FASTKD2: variants seen among roughly 807,000 people sequenced by gnomAD.
FASTKD2 encodes FAST kinase domain-containing protein 2, mitochondrial.
In FASTKD2, 51 loss-of-function variants were observed where a neutral mutation model predicts 63.6. The ratio of observed to expected loss-of-function variants is 0.80; its 90% CI spans 0.64 to 1.01. FASTKD2 has a LOEUF of 1.01. Ranked by LOEUF, FASTKD2 falls within the 50% of genes least tolerant of loss-of-function variation. FASTKD2 has a pLI of 0.00. For synonymous variants in FASTKD2, 284 were observed against 293.4 expected, an observed-to-expected ratio of 0.97 and a Z score of 0.33; for missense variants, 786 against 831.1, an observed-to-expected ratio of 0.95 and a Z score of 0.67.
At position 206,767,061 on chromosome 2, in the gene FASTKD2, T is replaced by C; in HGVS notation, c.368T>C (p.Val123Ala). 1.2e-6 allele frequency: 2 copies of C among 1,614,140 alleles called. No homozygotes were observed. Among genetic ancestry groups the C allele is most frequent in the Non-Finnish European group, 1.7e-6 (2 of 1,179,976 alleles). ...FFDSKQSLVP[V>A]DKSDDELKKV... ...GACTCAAAGCAGTCTCTTGTCCCTG[T>C]TGATAAATCTGATGATGAATTGAAG... Residue 123 changes from valine (V) to alanine (A), a missense_variant, in exon 2 of 12, where the codon GTT (valine) becomes GCT (alanine). Coordinates refer to ENST00000402774, the MANE Select transcript of FASTKD2 (RefSeq NM_001136193.2).
chr2:206,774,373 A>T lies in FASTKD2; in HGVS notation c.1403A>T (p.His468Leu), dbSNP rs772042470. 1.9e-6 allele frequency: 3 copies of T among 1,600,216 alleles called. No homozygotes were observed. Among genetic ancestry groups the T allele is most frequent in the Non-Finnish European group, 2.6e-6 (3 of 1,169,510 alleles). Residue 468 changes from histidine (H) to leucine (L), a missense_variant, in exon 7 of 12, where the codon CAT becomes CTT. His to Leu is a moderately conservative substitution (Grantham distance 99). Coordinates refer to ENST00000402774, the MANE Select transcript of FASTKD2 (RefSeq NM_001136193.2). ...CTTCATACTTACTCTTCTCTCAATC[A>T]TGTCTACAAATGCCAGAACAAAGAG... is the stretch of plus-strand genomic sequence containing the variant. ...SILHTYSSLNHVYKCQNKEQF... is the reference protein window; with the variant it reads ...SILHTYSSLNLVYKCQNKEQF...
At chr2:206,788,693 C>G in intron 9 of FASTKD2, 126 bp from the exon 10 acceptor site, 1 of 634,760 alleles carries the variant, frequency 1.6e-6, no homozygotes, top group Non-Finnish European at 2.8e-6. Flanking sequence ...GATCACACTA[C>G]TGCACTCCAG....
intron 6 of FASTKD2, among the ~76,000 whole-genome samples, chr2:206,773,050 C>T (rs1689729259): frequency 6.6e-6 from 1 of 152,030 alleles, no homozygotes; most frequent in East Asian, 1.9e-4. Flanking sequence ...CGCGGTGGCT[C>T]ACGCCTGTAA....
rs151142223 is a variant in FASTKD2 at position 206,776,915 on chromosome 2, T to C, written c.1427+2518T>C. Among the ~76,000 whole-genome samples the C allele has an allele frequency of 5.9e-5, 9 of 152,232 alleles. No individual in the cohort carries two copies. The South Asian group carries it at 1.0e-3, about 18-fold the overall frequency. Reference sequence around the variant, plus strand: ...ATGGACATTTTAACAGGATTAAGTCTTTCAATCCATGAATGCAGACTGTCC... The same window carrying C: ...ATGGACATTTTAACAGGATTAAGTCCTTCAATCCATGAATGCAGACTGTCC... On this transcript the variant is annotated intron_variant, in intron 7 of 11. Transcript: ENST00000402774.
chr2:206,780,523 C>G (rs373276910), intron 7 of FASTKD2, among the ~76,000 whole-genome samples: 2 of 152,098 alleles, frequency 1.3e-5, no homozygotes, highest in African/African-American at 4.8e-5. Context: ...GTGGGAGATA[C>G]GAGTTGCTTT....
In FASTKD2 at chr2:206,782,852, C is replaced by T. The variant is rs145130196; in HGVS notation, c.1428-3881C>T. The stretch of plus-strand genomic sequence containing the variant: ...TAAATGAGTTAATCTATGTCAAGTT[C>T]TTATGACAATGCCCAGCACATAGTA... On this transcript the variant is annotated intron_variant, in intron 7 of 11. Coordinates refer to ENST00000402774, the MANE Select transcript of FASTKD2 (RefSeq NM_001136193.2). Among the ~76,000 whole-genome samples the T allele has an allele frequency of 9.1e-3, 1,382 of 152,156 alleles. 12 individuals carry two copies. The highest frequency in any genetic ancestry group is 0.024 in the Middle Eastern group (7 of 294).
At chr2:206,788,619 C>T (rs1411903910) in intron 9 of FASTKD2, among the ~76,000 whole-genome samples, 200 bp from the exon 10 acceptor site, 1 of 151,106 alleles carries the variant, frequency 6.6e-6, no homozygotes, top group Non-Finnish European at 1.5e-5. Flanking sequence ...CCTGTAGTCC[C>T]AGCTACTCAA....
At chr2:206,778,098 C>T (rs1042437214) in intron 7 of FASTKD2, among the ~76,000 whole-genome samples, 1 of 151,812 alleles carries the variant, frequency 6.6e-6, no homozygotes, top group African/African-American at 2.4e-5. Flanking sequence ...TTTTCATAAA[C>T]CCAAGTCTTC....
rs1424065577 is a variant in FASTKD2 at position 206,793,290 on chromosome 2, G to T, written c.*1488G>T. On this transcript the variant is annotated 3_prime_UTR_variant, in exon 12 of 12. Coordinates refer to ENST00000402774, the MANE Select transcript of FASTKD2 (RefSeq NM_001136193.2). Reference sequence around the variant, plus strand: ...GCAATATGACAACAGCTGCCAGGTTGTATCAATTTATCCAGCTTGCATTTA... The same window carrying T: ...GCAATATGACAACAGCTGCCAGGTTTTATCAATTTATCCAGCTTGCATTTA... 6.7e-6 allele frequency among the ~76,000 whole-genome samples: 1 copy of T among 148,484 alleles called. No homozygotes were observed. Among genetic ancestry groups the T allele is most frequent in the South Asian group, 2.2e-4 (1 of 4,580 alleles).
At chr2:206,772,149 T>G (rs370058790) in intron 5 of FASTKD2, 32 bp from the exon 6 acceptor site, 3 of 1,603,526 alleles carry the variant, frequency 1.9e-6, no homozygotes, top group Non-Finnish European at 1.7e-6. Flanking sequence ...AATCAGGTAA[T>G]TTTTGTTTGT....
intron 8 of FASTKD2, 125 bp downstream of exon 8, chr2:206,787,024 G>C (rs1007725341): frequency 1.0e-5 from 7 of 670,264 alleles, no homozygotes; most frequent in Non-Finnish European, 1.8e-5. Context: ...AGCAGGTGTT[G>C]CTGTGGAAAG....
intron 6 of FASTKD2, 113 bp downstream of exon 6, chr2:206,772,433 C>A: frequency 1.8e-6 from 2 of 1,089,176 alleles, no homozygotes; most frequent in Non-Finnish European, 2.7e-6. Flanking sequence ...CCAAAATATT[C>A]CAATGCTGAA....
At chr2:206,775,241 A>T (rs1689790762) in intron 7 of FASTKD2, among the ~76,000 whole-genome samples, 1 of 151,912 alleles carries the variant, frequency 6.6e-6, no homozygotes, top group Non-Finnish European at 1.5e-5. Context: ...TCTCATTTCA[A>T]TTCTTATGAA....
chr2:206,782,917 G>T (rs987086731), intron 7 of FASTKD2, among the ~76,000 whole-genome samples: 1 of 152,106 alleles, frequency 6.6e-6, no homozygotes, highest in Non-Finnish European at 1.5e-5. Context: ...AGGTCACAGA[G>T]GCCTTGGGGG....
intron 7 of FASTKD2, 51 bp from the exon 8 acceptor site, chr2:206,786,682 G>C (rs748455005): frequency 1.9e-5 from 29 of 1,498,376 alleles, no homozygotes; most frequent in Non-Finnish European, 2.7e-5. Flanking sequence ...AATCGTTACA[G>C]ATATTGGCCT....
At chr2:206,776,264 G>C (rs891566707) in intron 7 of FASTKD2, among the ~76,000 whole-genome samples, 48 of 151,720 alleles carry the variant, frequency 3.2e-4, no homozygotes, top group African/African-American at 1.0e-3. Flanking sequence ...ATATATTTTG[G>C]ATAATAACTG....
intron 7 of FASTKD2, among the ~76,000 whole-genome samples, chr2:206,778,956 A>AC (rs1689896329): frequency 6.6e-6 from 1 of 152,114 alleles, no homozygotes; most frequent in South Asian, 2.1e-4. Context: ...AAGCTTGGGG[A>AC]CCACTGATCT....
intron 11 of FASTKD2, 197 bp downstream of exon 11, chr2:206,790,883 T>A: frequency 1.8e-6 from 1 of 567,010 alleles, no homozygotes; most frequent in South Asian, 1.9e-5. Context: ...CTGATTACTG[T>A]CATTACTAGA....
At chr2:206,766,259 CAAAAAAAAAAAAAAAA>C (rs60933510) in intron 1 of FASTKD2, among the ~76,000 whole-genome samples, 1 of 55,976 alleles carries the variant, frequency 1.8e-5, no homozygotes, top group Admixed American at 2.2e-4. Context: ...GACTTTGTCT[CAAAAAAAAAAAAAAAA>C]AAAAAAAAAA....
Sources: allele counts gnomAD v4.1 joint callset (sites outside exome capture counted in the v4.1 genomes callset), GRCh38; gene constraint gnomAD v4.1.1; transcripts MANE v1.5; gene names NCBI Gene and HGNC (gene_info 2026-07-23, HGNC 2026-07-21).